EML6: variants seen among roughly 807,000 people sequenced by gnomAD.
EML6 encodes echinoderm microtubule-associated protein-like 6.
Under a neutral mutation model 240.1 loss-of-function variants are expected in EML6, and 154 were observed. That is an observed-to-expected ratio of 0.64 (90% CI 0.56 to 0.73). The LOEUF is 0.73. Among genes scored for constraint, EML6 ranks in the 30% least tolerant of loss-of-function variants. EML6 has a pLI of 0.00. For synonymous variants in EML6, 1,148 were observed against 899.0 expected (o/e 1.28, Z -4.95); for missense variants, 2,964 against 2,474.6 (o/e 1.20, Z -4.20).
chr2:54,760,822 A>ATTTTT (rs200476039), intron 2 of EML6, among the ~76,000 whole-genome samples: 1,922 of 120,302 alleles, frequency 0.016, 68 homozygotes, highest in African/African-American at 0.058. Flanking sequence ...TTGAGGGAGC[A>ATTTTT]TTTTTTTTTT....
At chr2:54,840,519 A>C (rs932516127) in intron 7 of EML6, among the ~76,000 whole-genome samples, 3 of 152,186 alleles carry the variant, frequency 2.0e-5, no homozygotes, top group Non-Finnish European at 1.5e-5. Flanking sequence ...GTAGGGGCCT[A>C]TCTTGTTCAC....
intron 12 of EML6, among the ~76,000 whole-genome samples, chr2:54,862,869 G>T (rs1461917925): frequency 6.6e-6 from 1 of 152,162 alleles, no homozygotes; most frequent in East Asian, 1.9e-4. Flanking sequence ...ACCCTTGGGG[G>T]ATAACAGGAG....
chr2:54,851,498 G>C (rs911799491), intron 10 of EML6, among the ~76,000 whole-genome samples: 3 of 151,144 alleles, frequency 2.0e-5, no homozygotes, highest in African/African-American at 7.2e-5. Flanking sequence ...CTGTGATAAA[G>C]ACATAATGTT....
chr2:54,954,307 G>C (rs1167973849), intron 32 of EML6, among the ~76,000 whole-genome samples, 151 bp downstream of exon 32: 1 of 152,188 alleles, frequency 6.6e-6, no homozygotes, highest in East Asian at 1.9e-4. Flanking sequence ...GGGGATCCTG[G>C]TATAGCTGCC....
intron 2 of EML6, among the ~76,000 whole-genome samples, chr2:54,792,308 T>C (rs1424066371): frequency 1.3e-5 from 2 of 152,232 alleles, no homozygotes; most frequent in Non-Finnish European, 2.9e-5. Context: ...CCCTATATTA[T>C]TGGTGGCAGT....
chr2:54,820,298 A>G (rs996832986), intron 4 of EML6, 96 bp from the exon 5 acceptor site: 6 of 719,478 alleles, frequency 8.3e-6, no homozygotes, highest in Non-Finnish European at 1.4e-5. Context: ...ATTGTGTTCT[A>G]AATGTTATAG....
rs373290523 is a variant in EML6, at chr2:54,841,781, C to T, written c.848-2266C>T. Reference sequence around the variant, plus strand: ...CTAATTTTTCTATTTTTAGTAGAGACGGGATTTCACCATGTTGGCCAAGCT... The same window carrying T: ...CTAATTTTTCTATTTTTAGTAGAGATGGGATTTCACCATGTTGGCCAAGCT... On this transcript the variant is annotated intron_variant, in intron 7 of 41. Transcript: ENST00000356458. Among the ~76,000 whole-genome samples, 10 of 151,824 alleles carry T rather than the reference C, an allele frequency of 6.6e-5. No homozygotes were observed. In the East Asian group the frequency reaches 1.2e-3, roughly 18 times the overall value.
chr2:54,811,505 A>G (rs1572936707), intron 2 of EML6, among the ~76,000 whole-genome samples: 1 of 152,168 alleles, frequency 6.6e-6, no homozygotes, highest in Non-Finnish European at 1.5e-5. Context: ...GTTACTGTGT[A>G]TGTATATTGA....
intron 4 of EML6, 70 bp downstream of exon 4, chr2:54,816,955 C>G: frequency 2.2e-6 from 2 of 912,088 alleles, no homozygotes; most frequent in Non-Finnish European, 3.5e-6. Context: ...GCGTCTCAGA[C>G]TTCTAATGTT....
intron 3 of EML6, among the ~76,000 whole-genome samples, chr2:54,813,755 C>A (rs1667963925): frequency 6.6e-6 from 1 of 152,200 alleles, no homozygotes; most frequent in South Asian, 2.1e-4. Flanking sequence ...AAGCCCTGAG[C>A]ATGTCTGTAG....
intron 2 of EML6, among the ~76,000 whole-genome samples, chr2:54,729,120 G>T (rs1683042131): frequency 6.6e-6 from 1 of 152,220 alleles, no homozygotes; most frequent in Non-Finnish European, 1.5e-5. Context: ...CTTATAAAAT[G>T]GAGTTTTAAA....
At chr2:54,939,729 C>G (rs528575146) in intron 28 of EML6, among the ~76,000 whole-genome samples, 2 of 152,320 alleles carry the variant, frequency 1.3e-5, no homozygotes, top group South Asian at 4.1e-4. Context: ...TAACAACTTT[C>G]ATACAAGAGA....
intron 12 of EML6, among the ~76,000 whole-genome samples, chr2:54,863,119 T>G (rs138032532): frequency 2.0e-5 from 3 of 152,356 alleles, no homozygotes; most frequent in African/African-American, 7.2e-5. Context: ...GAATAAATGT[T>G]GACAAGAGTT....
intron 30 of EML6, among the ~76,000 whole-genome samples, chr2:54,951,513 C>A (rs868777970): frequency 3.8e-4 from 57 of 151,404 alleles, no homozygotes; most frequent in African/African-American, 1.3e-3. Flanking sequence ...CCATTGCACT[C>A]CAGCCTGAGC....
chr2:54,766,531 C>T (rs1470823906), intron 2 of EML6, among the ~76,000 whole-genome samples: 1 of 152,104 alleles, frequency 6.6e-6, no homozygotes. Flanking sequence ...TCAGGAGGCA[C>T]ATGATATTAA....
chr2:54,881,194 C>A (rs966966050), intron 17 of EML6: 1 of 151,976 alleles, frequency 6.6e-6, no homozygotes, highest in South Asian at 2.1e-4. Flanking sequence ...GATTAAAGTT[C>A]TTTGGAAGAA....
intron 24 of EML6, among the ~76,000 whole-genome samples, chr2:54,907,424 C>A (rs1402434782): frequency 6.6e-6 from 1 of 152,170 alleles, no homozygotes; most frequent in Non-Finnish European, 1.5e-5. Flanking sequence ...AGGAGAATCG[C>A]TTGAACCGGG....
At chr2:54,923,912 C>T (rs757134646) in intron 26 of EML6, among the ~76,000 whole-genome samples, 12 of 152,268 alleles carry the variant, frequency 7.9e-5, no homozygotes, top group Middle Eastern at 3.4e-3. Context: ...CAGCTTCTTT[C>T]ACTCAGAGAT....
intron 12 of EML6, among the ~76,000 whole-genome samples, chr2:54,862,191 T>G (rs1670708999): frequency 2.0e-5 from 3 of 151,454 alleles, no homozygotes; most frequent in Non-Finnish European, 4.4e-5. Flanking sequence ...ATACAAAAAT[T>G]AGCCAGGCAA....
Sources: gnomAD v4.1 joint callset for allele counts (sites outside exome capture counted in the v4.1 genomes callset) on GRCh38, gnomAD v4.1.1 for gene constraint, MANE v1.5 for transcripts, NCBI Gene and HGNC (gene_info 2026-07-23, HGNC 2026-07-21) for gene names.